VPS26C: variants seen among roughly 807,000 people sequenced by gnomAD.
VPS26C encodes the protein VPS26 endosomal protein sorting factor C.
Under a neutral mutation model 30.6 loss-of-function variants are expected in VPS26C, and 19 were observed. The ratio of observed to expected loss-of-function variants is 0.62; its 90% CI spans 0.43 to 0.91. The LOEUF (loss-of-function observed/expected upper bound fraction) is 0.91. Ranked by LOEUF, VPS26C falls within the 40% of genes least tolerant of loss-of-function variation. The pLI is 0.00. For missense variants in VPS26C, 318 were observed against 385.1 expected, an observed-to-expected ratio of 0.83 and a Z score of 1.46; for synonymous variants, 132 against 151.5, an observed-to-expected ratio of 0.87 and a Z score of 0.95.
At chr21:37,262,072 A>G (rs1387400197) in intron 1 of VPS26C, 1 of 152,208 alleles carries the variant, frequency 6.6e-6, no homozygotes, top group Non-Finnish European at 1.5e-5. Context: ...TTAAAAAAAA[A>G]GAACATAATA....
chr21:37,267,163 G>C, intron 1 of VPS26C, 75 bp downstream of exon 1: 1 of 1,294,512 alleles, frequency 7.7e-7, no homozygotes, highest in South Asian at 1.3e-5. Flanking sequence ...CGGGACGTGC[G>C]CAGAGCGATG....
chr21:37,245,814 G>A (rs2086132897), intron 1 of VPS26C, among the ~76,000 whole-genome samples: 2 of 152,210 alleles, frequency 1.3e-5, no homozygotes, highest in South Asian at 2.1e-4. Context: ...TTCTATAAAG[G>A]ATGAACACAA....
rs182115178 is a variant in VPS26C at position 37,260,320 on chromosome 21, G to A, written c.57+6918C>T. Among the ~76,000 whole-genome samples the A allele has an allele frequency of 2.3e-4, 35 of 152,216 alleles. No individual in the cohort carries two copies. The East Asian group carries it at 6.7e-3, about 29-fold the overall frequency. ...AAATTTAATCTTTCACTGGAAGTAGGGAATTAGGGAATGTTTAACACAATT... is the reference window on the plus strand; with the variant it reads ...AAATTTAATCTTTCACTGGAAGTAGAGAATTAGGGAATGTTTAACACAATT... On this transcript the variant is annotated intron_variant, in intron 1 of 7. Coordinates refer to ENST00000309117, the MANE Select transcript of VPS26C (RefSeq NM_006052.2).
intron 1 of VPS26C, 140 bp from the exon 2 acceptor site, chr21:37,240,779 G>A (rs1324578359): frequency 1.7e-6 from 2 of 1,208,208 alleles, no homozygotes; most frequent in Non-Finnish European, 1.1e-6. Context: ...TACCAGGGTG[G>A]AGAAGGCCCA....
chr21:37,235,851 G>GTATA lies in VPS26C; in HGVS notation c.352-2413_352-2410dup, dbSNP rs146084592. The stretch of plus-strand genomic sequence containing the variant: ...CATATATATGTGTGTATATGTGTGT[G>GTATA]TATATATATATATATATATATATAT... On this transcript the variant is annotated intron_variant, in intron 3 of 7. Transcript: ENST00000309117. Among the ~76,000 whole-genome samples the GTATA allele has an allele frequency of 8.0e-3, 440 of 55,072 alleles. 6 individuals are homozygous for GTATA. Among genetic ancestry groups the GTATA allele is most frequent in the Middle Eastern group, 0.018 (2 of 110 alleles). The allele number at this position is 55,072 out of a possible 152,430, so 36.1% of individuals were successfully genotyped here. A position where few individuals can be genotyped will look rare whatever the true frequency, so the allele number is the denominator to read the frequency against.
intron 3 of VPS26C, among the ~76,000 whole-genome samples, chr21:37,237,250 T>C (rs917755189): frequency 9.2e-5 from 14 of 152,254 alleles, no homozygotes; most frequent in African/African-American, 3.4e-4. Context: ...CAGTTTCTAA[T>C]GAACATATTC....
At chr21:37,228,558 T>A in intron 5 of VPS26C, 185 bp from the exon 6 acceptor site, 5 of 590,190 alleles carry the variant, frequency 8.5e-6, no homozygotes, top group Non-Finnish European at 3.0e-6. Flanking sequence ...GCTGAATTAT[T>A]CAACGACTCT....
chr21:37,259,935 T>C (rs1320297299), intron 1 of VPS26C, among the ~76,000 whole-genome samples: 1 of 152,168 alleles, frequency 6.6e-6, no homozygotes, highest in Non-Finnish European at 1.5e-5. Context: ...CACCACCTAT[T>C]ACTGCGGCCC....
intron 1 of VPS26C, among the ~76,000 whole-genome samples, chr21:37,263,942 T>C (rs2086331266): frequency 6.6e-6 from 1 of 152,064 alleles, no homozygotes; most frequent in Non-Finnish European, 1.5e-5. Flanking sequence ...CAGCGCAAAC[T>C]AGATGTGACA....
At chr21:37,236,832 AG>A (rs1569234124) in intron 3 of VPS26C, among the ~76,000 whole-genome samples, 1 of 152,248 alleles carries the variant, frequency 6.6e-6, no homozygotes, top group Admixed American at 6.5e-5. Flanking sequence ...AGACGAGGGT[AG>A]GGGCAATTAT....
chr21:37,232,358 C>G lies in VPS26C; in HGVS notation c.507+19G>C. On this transcript the variant is annotated intron_variant, in intron 5 of 7. Coordinates refer to ENST00000309117, the MANE Select transcript of VPS26C (RefSeq NM_006052.2). The stretch of plus-strand genomic sequence containing the variant: ...GCTGGGAAGATACCCACGGCATTCG[C>G]CTGTGCAGGACGTCTTACCTCTTTG... 1 of 1,611,606 alleles carries G rather than the reference C, an allele frequency of 6.2e-7. No individual in the cohort carries two copies. Among genetic ancestry groups the G allele is most frequent in the Non-Finnish European group, 8.5e-7 (1 of 1,177,950 alleles).
chr21:37,237,029 C>T (rs1418454480), intron 3 of VPS26C, among the ~76,000 whole-genome samples: 1 of 152,174 alleles, frequency 6.6e-6, no homozygotes, highest in East Asian at 1.9e-4. Context: ...AATCCTCCTG[C>T]CATGGCCTCC....
intron 1 of VPS26C, 38 bp downstream of exon 1, chr21:37,267,200 C>G: frequency 9.1e-7 from 1 of 1,099,152 alleles, no homozygotes. Context: ...CAGACCCGCC[C>G]AACCCCACCT....
At chr21:37,250,403 G>T (rs2086179954) in intron 1 of VPS26C, among the ~76,000 whole-genome samples, 1 of 151,828 alleles carries the variant, frequency 6.6e-6, no homozygotes, top group Non-Finnish European at 1.5e-5. Flanking sequence ...TAAAAGTTTT[G>T]GACAAAACCA....
At chr21:37,241,454 GA>G (rs2086086670) in intron 1 of VPS26C, among the ~76,000 whole-genome samples, 2 of 152,170 alleles carry the variant, frequency 1.3e-5, no homozygotes, top group South Asian at 4.1e-4. Context: ...GGCTCGAGTG[GA>G]AGAGGAAATT....
chr21:37,259,180 A>G (rs2086278699), intron 1 of VPS26C, among the ~76,000 whole-genome samples: 1 of 152,160 alleles, frequency 6.6e-6, no homozygotes, highest in African/African-American at 2.4e-5. Flanking sequence ...CTAAGAATCC[A>G]GCAGGTTAAA....
chr21:37,258,007 G>T (rs2148307108), intron 1 of VPS26C, among the ~76,000 whole-genome samples: 1 of 152,330 alleles, frequency 6.6e-6, no homozygotes, highest in East Asian at 1.9e-4. Context: ...TGGCCAGTGT[G>T]TGGCGGAGAT....
rs1266383502 is a variant in VPS26C, at chr21:37,233,618, A to C, written c.352-176T>G. ...CATAATAGGATAGTTAATGTTCAAA[A>C]TAAAGGCATTTCTGTTTTAAAAATG... On this transcript the variant is annotated intron_variant, in intron 3 of 7. Coordinates refer to ENST00000309117, the MANE Select transcript of VPS26C (RefSeq NM_006052.2). This position sits in a 1 kb window ranked among gnomAD's most constrained non-coding sequence, Gnocchi z 5.2. Among the ~76,000 whole-genome samples, 1 of 152,264 alleles carries C rather than the reference A, an allele frequency of 6.6e-6. No homozygotes were observed. The highest frequency in any genetic ancestry group is 1.5e-5 in the Non-Finnish European group (1 of 68,046).
rs767754573 is a variant in VPS26C at position 37,238,497 on chromosome 21, A to G, written c.314T>C (p.Leu105Pro). The stretch of plus-strand genomic sequence containing the variant: ...AAACACGCCATGATACGTCTCATAC[A>G]GAACTTTGTTACCCTTCAAGTGCAG... ...FPLHLKGNKV[L>P]YETYHGVFVN... Residue 105 changes from leucine (L) to proline (P), a missense_variant, in exon 3 of 8, where the codon CTG becomes CCG. Coordinates refer to ENST00000309117, the MANE Select transcript of VPS26C (RefSeq NM_006052.2). The G allele has an allele frequency of 3.7e-6, 6 of 1,614,198 alleles. No homozygotes were observed. The highest frequency in any genetic ancestry group is 5.1e-6 in the Non-Finnish European group (6 of 1,180,040).
Sources: gnomAD v4.1 joint callset for allele counts (sites outside exome capture counted in the v4.1 genomes callset) on GRCh38, gnomAD v4.1.1 for gene constraint, Gnocchi (gnomAD v3.1) non-coding constraint, MANE v1.5 for transcripts, NCBI Gene and HGNC (gene_info 2026-07-23, HGNC 2026-07-21) for gene names.